Variants in IL1RL1 observed in about 807,000 individuals in gnomAD.
IL1RL1 encodes interleukin-1 receptor-like 1.
IL1RL1 carries 32 observed loss-of-function variants against 50.9 expected under a neutral mutation model. That is an observed-to-expected ratio of 0.63 (90% CI 0.47 to 0.84). The LOEUF is 0.84. IL1RL1 is among the 40% of genes least tolerant of loss of function. The pLI, the probability that IL1RL1 is intolerant of heterozygous loss-of-function variation, is 0.00. For missense variants in IL1RL1, 773 were observed against 662.9 expected, an observed-to-expected ratio of 1.17 and a Z score of -1.82; for synonymous variants, 275 against 236.0, an observed-to-expected ratio of 1.17 and a Z score of -1.51.
chr2:102,331,966 G>C (rs1677190190), intron 1 of IL1RL1, among the ~76,000 whole-genome samples: 1 of 152,160 alleles, frequency 6.6e-6, no homozygotes, highest in Admixed American at 6.5e-5. Context: ...TATTCTGGAG[G>C]CTGAGGTGGG....
intron 1 of IL1RL1, among the ~76,000 whole-genome samples, chr2:102,319,632 A>C (rs998725246): frequency 9.9e-5 from 15 of 152,154 alleles, no homozygotes; most frequent in Non-Finnish European, 2.2e-4. Context: ...ATAAGGCAGG[A>C]TTTCTGCCCT....
intron 10 of IL1RL1, 146 bp from the exon 11 acceptor site, chr2:102,351,390 A>G: frequency 1.4e-6 from 1 of 703,576 alleles, no homozygotes; most frequent in East Asian, 2.8e-5. Flanking sequence ...TTCTCTATCC[A>G]CACATACTTC....
Position 102,325,904 on chromosome 2 carries a change from T to A in IL1RL1, c.-149-12212T>A, listed in dbSNP as rs189742672. Among the ~76,000 whole-genome samples the A allele has an allele frequency of 1.6e-3, 245 of 152,338 alleles. 2 individuals are homozygous for A. Among genetic ancestry groups the A allele is most frequent in the Non-Finnish European group, 2.7e-3 (186 of 68,036 alleles). Reference sequence around the variant, plus strand: ...GTATACCTGAAAGTGACAGGTAGAATGGAACCAAGTTGGAAAACACTCTGC... The same window carrying A: ...GTATACCTGAAAGTGACAGGTAGAAAGGAACCAAGTTGGAAAACACTCTGC... On this transcript the variant is annotated intron_variant, in intron 1 of 10. Coordinates refer to ENST00000233954, the MANE Select transcript of IL1RL1 (RefSeq NM_016232.5).
In IL1RL1 at chr2:102,345,386, A is replaced by T. The variant is rs868048977; in HGVS notation, c.970+1971A>T. 3.0e-6 allele frequency: 3 copies of T among 985,370 alleles called. No homozygotes were observed. In the Middle Eastern group the frequency reaches 1.6e-3, roughly 515 times the overall value. The allele number at this position is 985,370 out of a possible 1,614,324, so 61.0% of individuals were successfully genotyped here. A position where few individuals can be genotyped will look rare whatever the true frequency, so the allele number is the denominator to read the frequency against. On this transcript the variant is annotated intron_variant, in intron 8 of 10. Transcript: ENST00000233954. ...CTATATGAAGCATTGTATCCCGTAT[A>T]AAAGGAAGGAAAGAGAGAAATATAT...
At chr2:102,343,224 T>A (rs1423154567) in intron 7 of IL1RL1, 46 bp from the exon 8 acceptor site, 1 of 1,614,082 alleles carries the variant, frequency 6.2e-7, no homozygotes. Flanking sequence ...TGCACATGGT[T>A]TGCACCTGCA....
chr2:102,334,825 C>T (rs191941514), intron 1 of IL1RL1, among the ~76,000 whole-genome samples: 6 of 152,118 alleles, frequency 3.9e-5, no homozygotes, highest in African/African-American at 2.4e-5. Context: ...CTTCTAAGTT[C>T]GGAAGTATTT....
rs1342830039 is a variant in IL1RL1, at chr2:102,343,414, A to G, written c.969A>G (p.Pro323=). ...CCGTAAGACTAAGTAGGAAAAATCC[A>G]AGTAAGGAGTGTTTCTGAGACTTTG... ...RHTVRLSRKN[P]IDHHSIYCII... is the part of the protein sequence containing the mutation. The change falls in exon 8 of 11, where the codon CCA becomes CCG. Residue 323 remains proline, a splice_region_variant and synonymous_variant. Coordinates refer to ENST00000233954, the MANE Select transcript of IL1RL1 (RefSeq NM_016232.5). The G allele has an allele frequency of 6.2e-7, 1 of 1,614,224 alleles. No homozygotes were observed. The highest frequency in any genetic ancestry group is 2.2e-5 in the East Asian group (1 of 44,882).
chr2:102,348,849 T>A (rs972627853), intron 9 of IL1RL1, among the ~76,000 whole-genome samples: 1 of 152,204 alleles, frequency 6.6e-6, no homozygotes, highest in Admixed American at 6.5e-5. Context: ...ACTTTTTTGT[T>A]ATTTAGTCTG....
chr2:102,331,533 A>G (rs1335214107), intron 1 of IL1RL1, among the ~76,000 whole-genome samples: 1 of 152,236 alleles, frequency 6.6e-6, no homozygotes, highest in Non-Finnish European at 1.5e-5. Context: ...TCTGCAGTCC[A>G]CAGAGCTTCT....
rs193174077 is a variant in IL1RL1 at position 102,351,096 on chromosome 2, A to G, written c.1286-440A>G. Among the ~76,000 whole-genome samples, 294 of 152,310 alleles carry G rather than the reference A, an allele frequency of 1.9e-3. 1 individual carries two copies. Among genetic ancestry groups the G allele is most frequent in the African/African-American group, 6.6e-3 (275 of 41,568 alleles). Reference sequence around the variant, plus strand: ...CTTACTTTCCTAGAGACTTTGGACAATTTTGAGGGGCAAAGCTTCCTGAGT... The same window carrying G: ...CTTACTTTCCTAGAGACTTTGGACAGTTTTGAGGGGCAAAGCTTCCTGAGT... On this transcript the variant is annotated intron_variant, in intron 10 of 10. Coordinates refer to ENST00000233954, the MANE Select transcript of IL1RL1 (RefSeq NM_016232.5).
At chr2:102,331,686 G>C (rs1257610485) in intron 1 of IL1RL1, among the ~76,000 whole-genome samples, 1 of 152,190 alleles carries the variant, frequency 6.6e-6, no homozygotes, top group African/African-American at 2.4e-5. Flanking sequence ...GTGAAAGACA[G>C]ACTGCTCCTG....
At chr2:102,329,757 A>G (rs1677120798) in intron 1 of IL1RL1, among the ~76,000 whole-genome samples, 1 of 152,246 alleles carries the variant, frequency 6.6e-6, no homozygotes, top group African/African-American at 2.4e-5. Flanking sequence ...ATCACTGGCC[A>G]TCAGAGAAAT....
Position 102,343,016 on chromosome 2 carries a change from A to G in IL1RL1, c.683-20A>G. 1 of 1,607,006 alleles carries G rather than the reference A, an allele frequency of 6.2e-7. No homozygotes were observed. Among genetic ancestry groups the G allele is most frequent in the East Asian group, 2.2e-5 (1 of 44,840 alleles). On this transcript the variant is annotated intron_variant, in intron 6 of 10. Transcript: ENST00000233954. ...TCGCAGAAGTTAATTTTATTGGTGA[A>G]TGTCCTTACTCCCCTCTAGGAAAAA...
At chr2:102,328,508 C>A (rs959409688) in intron 1 of IL1RL1, among the ~76,000 whole-genome samples, 1 of 152,070 alleles carries the variant, frequency 6.6e-6, no homozygotes, top group Non-Finnish European at 1.5e-5. Flanking sequence ...CTGGCCAGGG[C>A]AATCAGGCAG....
chr2:102,348,520 G>T (rs1677841950), intron 9 of IL1RL1, among the ~76,000 whole-genome samples: 1 of 152,180 alleles, frequency 6.6e-6, no homozygotes, highest in Non-Finnish European at 1.5e-5. Flanking sequence ...GATCTGTAAA[G>T]TCTAACCCAG....
chr2:102,327,754 C>G (rs189189406), intron 1 of IL1RL1, among the ~76,000 whole-genome samples: 194 of 152,204 alleles, frequency 1.3e-3, no homozygotes, highest in Middle Eastern at 3.4e-3. Flanking sequence ...AGAAAATCTA[C>G]AAGAAATGGA....
chr2:102,317,581 C>T (rs1345609090), intron 1 of IL1RL1, among the ~76,000 whole-genome samples: 2 of 151,768 alleles, frequency 1.3e-5, no homozygotes, highest in East Asian at 3.9e-4. Flanking sequence ...ATTTTTTTCA[C>T]GTGAGAACAA....
chr2:102,322,199 G>A (rs947910254), intron 1 of IL1RL1, among the ~76,000 whole-genome samples: 6 of 152,182 alleles, frequency 3.9e-5, no homozygotes, highest in Non-Finnish European at 7.3e-5. Context: ...GGGTTTCTGT[G>A]TTGCAGTCTT....
At chr2:102,335,710 G>A (rs2104979721) in intron 1 of IL1RL1, among the ~76,000 whole-genome samples, 1 of 152,272 alleles carries the variant, frequency 6.6e-6, no homozygotes, top group East Asian at 1.9e-4. Context: ...CCTAGTTTAA[G>A]AATGAATGCT....
Sources: gnomAD v4.1 joint callset for allele counts (sites outside exome capture counted in the v4.1 genomes callset) on GRCh38, gnomAD v4.1.1 for gene constraint, MANE v1.5 for transcripts, NCBI Gene and HGNC (gene_info 2026-07-23, HGNC 2026-07-21) for gene names.